Variants in EXOC6B observed in about 807,000 individuals in gnomAD.
EXOC6B encodes exocyst complex component 6B.
A neutral mutation model predicts 113.5 loss-of-function variants in EXOC6B; 54 were observed. That is an observed-to-expected ratio of 0.48 (90% CI 0.38 to 0.60). EXOC6B has a LOEUF of 0.60. EXOC6B is among the 20% of genes least tolerant of loss of function. The probability of loss-of-function intolerance (pLI) is 0.00; values close to 1 mark genes in which losing one functional copy is unlikely to be tolerated. For missense variants in EXOC6B, 797 were observed against 977.5 expected (o/e 0.82, Z 2.46); for synonymous variants, 357 against 339.0 (o/e 1.05, Z -0.58).
intron 1 of EXOC6B, among the ~76,000 whole-genome samples, chr2:72,806,436 G>A (rs1304647800): frequency 6.6e-6 from 1 of 152,170 alleles, no homozygotes; most frequent in African/African-American, 2.4e-5. Flanking sequence ...CCACTGATGG[G>A]CAAAGACCAA....
At chr2:72,407,299 G>T (rs1253422429) in intron 18 of EXOC6B, among the ~76,000 whole-genome samples, 2 of 152,140 alleles carry the variant, frequency 1.3e-5, no homozygotes, top group Non-Finnish European at 2.9e-5. Flanking sequence ...AGGAGGAGCT[G>T]GTACCATTCC....
At chr2:72,795,896 G>C (rs1361099940) in intron 1 of EXOC6B, among the ~76,000 whole-genome samples, 1 of 151,832 alleles carries the variant, frequency 6.6e-6, no homozygotes, top group Non-Finnish European at 1.5e-5. Flanking sequence ...GCACAATCTC[G>C]GTTAACTGCA....
At chr2:72,669,092 AT>A (rs1675601686) in intron 6 of EXOC6B, among the ~76,000 whole-genome samples, 1 of 152,006 alleles carries the variant, frequency 6.6e-6, no homozygotes, top group Admixed American at 6.6e-5. Flanking sequence ...ATATCAAAAA[AT>A]ATATTATTAT....
At chr2:72,672,435 C>G (rs1223613417) in intron 6 of EXOC6B, among the ~76,000 whole-genome samples, 1 of 151,230 alleles carries the variant, frequency 6.6e-6, no homozygotes, top group Admixed American at 6.6e-5. Flanking sequence ...TCGAGACCAT[C>G]CTGGCTAACA....
At chr2:72,374,939 AT>A (rs1302689595) in intron 19 of EXOC6B, among the ~76,000 whole-genome samples, 2 of 151,904 alleles carry the variant, frequency 1.3e-5, no homozygotes, top group Non-Finnish European at 2.9e-5. Context: ...ACAACTTCAT[AT>A]TTTTTTAAAA....
chr2:72,341,781 G>A (rs2104907974), intron 19 of EXOC6B, among the ~76,000 whole-genome samples: 1 of 152,032 alleles, frequency 6.6e-6, no homozygotes, highest in East Asian at 1.9e-4. Flanking sequence ...CCCAACAGTA[G>A]TAGAATATAT....
intron 1 of EXOC6B, among the ~76,000 whole-genome samples, chr2:72,804,786 C>CG (rs1685490433): frequency 6.6e-6 from 1 of 151,774 alleles, no homozygotes. Context: ...TTAGTAGAGA[C>CG]GGGGTTTCAC....
chr2:72,454,553 T>C (rs1163649930), intron 18 of EXOC6B, among the ~76,000 whole-genome samples: 2 of 152,096 alleles, frequency 1.3e-5, no homozygotes, highest in Admixed American at 6.6e-5. Context: ...GGAAATCAAG[T>C]ATGAAAATTT....
At chr2:72,348,815 T>C (rs1572950394) in intron 19 of EXOC6B, among the ~76,000 whole-genome samples, 2 of 152,078 alleles carry the variant, frequency 1.3e-5, no homozygotes, top group Admixed American at 1.3e-4. Context: ...AAGGTGGAGG[T>C]ATGGCATACA....
At chr2:72,289,147 T>C in intron 20 of EXOC6B, 1 of 233,476 alleles carries the variant, frequency 4.3e-6, no homozygotes, top group Non-Finnish European at 8.6e-6. Flanking sequence ...ATAAAATGGC[T>C]CATGGGCCAA....
intron 20 of EXOC6B, among the ~76,000 whole-genome samples, chr2:72,311,793 A>C (rs1325615835): frequency 6.6e-6 from 1 of 152,206 alleles, no homozygotes; most frequent in African/African-American, 2.4e-5. Context: ...AGGACTGAAG[A>C]TAAATCTCTG....
chr2:72,415,008 T>G (rs1221334512), intron 18 of EXOC6B, among the ~76,000 whole-genome samples: 1 of 152,154 alleles, frequency 6.6e-6, no homozygotes, highest in African/African-American at 2.4e-5. Context: ...CTGAGTTAAG[T>G]TGATAGTAAG....
At position 72,495,511 on chromosome 2, in the gene EXOC6B, G is replaced by T. The variant is rs1220452517; in HGVS notation, c.1472C>A (p.Ser491Tyr). ...KQPFPKKFPF[S>Y]EFVPKVYNQI... is the part of the protein sequence containing the mutation. ...GTTGTAAACTTTTGGCACAAATTCA[G>T]AGAAAGGAAACTTTTTTGGAAATGG... is the stretch of plus-strand genomic sequence containing the variant. Residue 491 changes from serine to tyrosine, a missense_variant, in exon 15 of 22, where the codon TCT becomes TAT. Ser to Tyr is a moderately radical substitution (Grantham distance 144, BLOSUM62 -2). Transcript: ENST00000272427. The T allele has an allele frequency of 6.2e-7, 1 of 1,608,150 alleles. No individual in the cohort carries two copies. Among genetic ancestry groups the T allele is most frequent in the East Asian group, 2.2e-5 (1 of 44,684 alleles).
At chr2:72,301,431 C>T (rs1232255758) in intron 20 of EXOC6B, among the ~76,000 whole-genome samples, 1 of 152,136 alleles carries the variant, frequency 6.6e-6, no homozygotes, top group African/African-American at 2.4e-5. Flanking sequence ...GTTACCAGTT[C>T]TTCTTTGTTC....
At chr2:72,482,120 T>C (rs1157917831) in intron 16 of EXOC6B, among the ~76,000 whole-genome samples, 1 of 152,204 alleles carries the variant, frequency 6.6e-6, no homozygotes, top group Admixed American at 6.5e-5. Flanking sequence ...CCTTTTAGCA[T>C]AAGCATAATA....
At chr2:72,811,901 T>C (rs1685943876) in intron 1 of EXOC6B, among the ~76,000 whole-genome samples, 1 of 152,154 alleles carries the variant, frequency 6.6e-6, no homozygotes, top group South Asian at 2.1e-4. Flanking sequence ...TTTCCTCAAA[T>C]TGATAAAGAG....
chr2:72,800,340 A>T (rs1053153075), intron 1 of EXOC6B, among the ~76,000 whole-genome samples: 3 of 152,186 alleles, frequency 2.0e-5, no homozygotes, highest in Non-Finnish European at 4.4e-5. Context: ...AATCAAAGGA[A>T]AGATAAATTG....
rs201641187 is a variant in EXOC6B at position 72,786,172 on chromosome 2, TA to T, written c.113+39625del. On this transcript the variant is annotated intron_variant, in intron 1 of 21. Coordinates refer to ENST00000272427, the MANE Select transcript of EXOC6B (RefSeq NM_015189.3). ...TATACAGAAAATATTGAAAGAATCG[TA>T]ACAATGAATAAATATTTATTTAGGG... Among the ~76,000 whole-genome samples the T allele has an allele frequency of 1.5e-3, 230 of 152,334 alleles. 2 individuals are homozygous for T. In the East Asian group the frequency reaches 0.037, roughly 25 times the overall value.
intron 18 of EXOC6B, among the ~76,000 whole-genome samples, chr2:72,452,969 C>G (rs1314620181): frequency 6.6e-6 from 1 of 152,128 alleles, no homozygotes; most frequent in African/African-American, 2.4e-5. Context: ...TTCTCAGTCC[C>G]CTTGCCTAGA....
Sources: allele counts gnomAD v4.1 joint callset (sites outside exome capture counted in the v4.1 genomes callset), GRCh38; gene constraint gnomAD v4.1.1; transcripts MANE v1.5; gene names NCBI Gene and HGNC (gene_info 2026-07-23, HGNC 2026-07-21).